CADM2: variants seen among roughly 807,000 people sequenced by gnomAD.
CADM2 encodes the protein immunoglobulin superfamily member 4D.
CADM2 carries 12 observed loss-of-function variants against 49.8 expected under a neutral mutation model. That is an observed-to-expected ratio of 0.24 (90% CI 0.15 to 0.39). The LOEUF is 0.39. CADM2 is among the 10% of genes least tolerant of loss of function. CADM2 has a pLI of 1.00. For missense variants in CADM2, 378 were observed against 492.3 expected (o/e 0.77, Z 2.20); for synonymous variants, 214 against 175.4 (o/e 1.22, Z -1.74).
chr3:85,939,337 A>C (rs1016806623), intron 7 of CADM2, among the ~76,000 whole-genome samples: 1 of 151,976 alleles, frequency 6.6e-6, no homozygotes, highest in African/African-American at 2.4e-5. Flanking sequence ...TTTTAGTTTA[A>C]AGTGAGGACC....
chr3:85,750,564 A>G (rs1348057732), intron 2 of CADM2, among the ~76,000 whole-genome samples: 3 of 152,158 alleles, frequency 2.0e-5, no homozygotes, highest in South Asian at 2.1e-4. Flanking sequence ...CTTTAAATGT[A>G]TTTATAATAC....
intron 2 of CADM2, among the ~76,000 whole-genome samples, chr3:85,750,557 T>G (rs2068817637): frequency 6.6e-6 from 1 of 152,272 alleles, no homozygotes; most frequent in Non-Finnish European, 1.5e-5. Flanking sequence ...TTGTGTTCTT[T>G]AAATGTATTT....
At chr3:85,286,170 A>G (rs1430733819) in intron 1 of CADM2, among the ~76,000 whole-genome samples, 2 of 152,142 alleles carry the variant, frequency 1.3e-5, no homozygotes, top group Non-Finnish European at 2.9e-5. Context: ...TCAAAGGACC[A>G]TGGGCTAACA....
chr3:85,662,438 C>T (rs2065438415), intron 1 of CADM2, among the ~76,000 whole-genome samples: 1 of 151,926 alleles, frequency 6.6e-6, no homozygotes, highest in Non-Finnish European at 1.5e-5. Context: ...TCCAATATAG[C>T]CTCCAAATTG....
chr3:85,897,778 TTGAA>T (rs1236748205), intron 5 of CADM2, among the ~76,000 whole-genome samples: 1 of 152,142 alleles, frequency 6.6e-6, no homozygotes, highest in Admixed American at 6.6e-5. Context: ...AAACTTTAAT[TTGAA>T]TGAGTAAAAT....
intron 1 of CADM2, among the ~76,000 whole-genome samples, chr3:85,239,815 G>T (rs1176983600): frequency 1.3e-5 from 2 of 151,234 alleles, no homozygotes; most frequent in Non-Finnish European, 3.0e-5. Flanking sequence ...TTCTTAGTCT[G>T]AAAATGTCAG....
intron 3 of CADM2, among the ~76,000 whole-genome samples, chr3:85,836,538 T>C (rs888005849): frequency 1.3e-5 from 2 of 151,630 alleles, no homozygotes; most frequent in African/African-American, 4.8e-5. Context: ...TTGAGAGCAG[T>C]ATGTGGCACC....
At chr3:85,914,848 A>G (rs1718072719) in intron 6 of CADM2, among the ~76,000 whole-genome samples, 1 of 152,192 alleles carries the variant, frequency 6.6e-6, no homozygotes, top group Admixed American at 6.5e-5. Context: ...GATTAGGAGC[A>G]TGTCAGTGAT....
At chr3:85,984,779 A>T (rs555235492) in intron 8 of CADM2, among the ~76,000 whole-genome samples, 37 of 151,970 alleles carry the variant, frequency 2.4e-4, no homozygotes, top group Admixed American at 5.3e-4. Context: ...AAAACTTCAA[A>T]TGAATTGTTG....
chr3:85,049,234 TG>T (rs1238903320), intron 1 of CADM2, among the ~76,000 whole-genome samples: 1 of 152,130 alleles, frequency 6.6e-6, no homozygotes, highest in Non-Finnish European at 1.5e-5. Flanking sequence ...GAATTGAAAG[TG>T]AAGTAGTAAT....
intron 8 of CADM2, among the ~76,000 whole-genome samples, chr3:86,018,644 T>C (rs982060808): frequency 1.3e-5 from 2 of 152,242 alleles, no homozygotes; most frequent in Non-Finnish European, 2.9e-5. Flanking sequence ...TGAGCATTTT[T>C]TCATGTGTTT....
At chr3:85,847,483 G>A (rs976388721) in intron 3 of CADM2, among the ~76,000 whole-genome samples, 1 of 152,158 alleles carries the variant, frequency 6.6e-6, no homozygotes, top group South Asian at 2.1e-4. Flanking sequence ...GATGGGAAAT[G>A]TTAATTTGTA....
intron 3 of CADM2, among the ~76,000 whole-genome samples, chr3:85,829,536 A>G (rs745597819): frequency 1.3e-5 from 2 of 151,982 alleles, no homozygotes; most frequent in African/African-American, 2.4e-5. Flanking sequence ...ATGATTTGAT[A>G]TAAGTATGCA....
rs532884346 is a variant in CADM2, at chr3:85,651,476, G to A, written c.62-75046G>A. On this transcript the variant is annotated intron_variant, in intron 1 of 9. Coordinates refer to ENST00000383699, the MANE Select transcript of CADM2 (RefSeq NM_001167675.2). Reference sequence around the variant, plus strand: ...GAAGACATGGTCAGTTAACAAGAAGGAATTTTACAAAAAAGAAGCATGATA... The same window carrying A: ...GAAGACATGGTCAGTTAACAAGAAGAAATTTTACAAAAAAGAAGCATGATA... Among the ~76,000 whole-genome samples, 545 of 151,946 alleles carry A rather than the reference G, an allele frequency of 3.6e-3. 1 individual carries two copies. Among genetic ancestry groups the A allele is most frequent in the Middle Eastern group, 6.8e-3 (2 of 294 alleles).
intron 3 of CADM2, among the ~76,000 whole-genome samples, chr3:85,837,448 A>G (rs936210523): frequency 2.0e-5 from 3 of 151,674 alleles, no homozygotes; most frequent in African/African-American, 7.2e-5. Flanking sequence ...ATTTCGCAAT[A>G]TTAAGGAAGA....
At chr3:85,829,680 C>T (rs1225427370) in intron 3 of CADM2, among the ~76,000 whole-genome samples, 2 of 151,866 alleles carry the variant, frequency 1.3e-5, no homozygotes, top group Non-Finnish European at 2.9e-5. Flanking sequence ...CATTTCTTTG[C>T]CCCTTTCCCA....
Position 85,898,956 on chromosome 3 carries a change from T to TATATATATATATATATATATATA in CADM2, c.529+12629_529+12630insATATATATATATATATATATATA, listed in dbSNP as rs58838667. On this transcript the variant is annotated intron_variant, in intron 5 of 9. Coordinates refer to ENST00000383699, the MANE Select transcript of CADM2 (RefSeq NM_001167675.2). Reference sequence around the variant, plus strand: ...TATTGTGTATATATATATATATATATTTTTTTTTTTTTTTTTTTTTTTTTT... The same window carrying TATATATATATATATATATATATA: ...TATTGTGTATATATATATATATATATATATATATATATATATATATATATTTTTTTTTTTTTTTTTTTTTTTTT... 3.6e-3 allele frequency among the ~76,000 whole-genome samples: 78 copies of TATATATATATATATATATATATA among 21,802 alleles called. 4 individuals carry two copies. Among genetic ancestry groups the TATATATATATATATATATATATA allele is most frequent in the Admixed American group, 5.0e-3 (6 of 1,198 alleles). The allele number at this position is 21,802 out of a possible 152,430, so 14.3% of individuals were successfully genotyped here. A position where few individuals can be genotyped will look rare whatever the true frequency, so the allele number is the denominator to read the frequency against.
intron 1 of CADM2, among the ~76,000 whole-genome samples, chr3:85,492,890 G>A (rs2039735512): frequency 6.6e-6 from 1 of 152,024 alleles, no homozygotes; most frequent in African/African-American, 2.4e-5. Context: ...TGTCAAGAAT[G>A]GTAGGATTTG....
intron 1 of CADM2, among the ~76,000 whole-genome samples, chr3:85,213,871 C>T (rs1485630986): frequency 3.3e-5 from 5 of 152,080 alleles, no homozygotes; most frequent in African/African-American, 1.2e-4. Context: ...ATACACTCTT[C>T]AGTATGTCAC....
Sources: gnomAD v4.1 joint callset for allele counts (sites outside exome capture counted in the v4.1 genomes callset) on GRCh38, gnomAD v4.1.1 for gene constraint, MANE v1.5 for transcripts, NCBI Gene and HGNC (gene_info 2026-07-23, HGNC 2026-07-21) for gene names.